EPB41L5: variants seen among roughly 807,000 people sequenced by gnomAD.
The protein encoded by EPB41L5 is band 4.1-like protein 5.
Under a neutral mutation model 106.6 loss-of-function variants are expected in EPB41L5, and 55 were observed. The ratio of observed to expected loss-of-function variants is 0.52; its 90% confidence interval spans 0.42 to 0.65. The LOEUF (loss-of-function observed/expected upper bound fraction) is 0.65, where lower values mean the gene tolerates loss of function less well. Ranked by LOEUF, EPB41L5 falls within the 30% of genes least tolerant of loss-of-function variation. The probability of loss-of-function intolerance (pLI) is 0.00; values close to 1 mark genes in which losing one functional copy is unlikely to be tolerated. For synonymous variants in EPB41L5, 297 were observed against 306.7 expected (o/e 0.97, Z 0.33); for missense variants, 871 against 882.1 (o/e 0.99, Z 0.16).
chr2:120,142,692 C>T (rs984812126), intron 18 of EPB41L5, among the ~76,000 whole-genome samples: 10 of 152,226 alleles, frequency 6.6e-5, no homozygotes, highest in Non-Finnish European at 1.0e-4. Context: ...AGCATGAAAG[C>T]GGCACAGAGG....
In EPB41L5 at chr2:120,155,088, A is replaced by G. The variant is rs190442912; in HGVS notation, c.1794-5793A>G. On this transcript the variant is annotated intron_variant, in intron 20 of 24. Transcript: ENST00000263713. ...GCTTACCTGTTTAATTACCTTTACC[A>G]GTAATTTTCTCTATTTTTCTTTATA... is the stretch of plus-strand genomic sequence containing the variant. 3.9e-5 allele frequency among the ~76,000 whole-genome samples: 6 copies of G among 152,344 alleles called. No individual in the cohort carries two copies. The East Asian group carries it at 1.2e-3, about 29-fold the overall frequency.
At chr2:120,111,527 C>T (rs377544628) in intron 16 of EPB41L5, among the ~76,000 whole-genome samples, 1 of 152,284 alleles carries the variant, frequency 6.6e-6, no homozygotes, top group African/African-American at 2.4e-5. Context: ...CTGACTTAGA[C>T]CAGAGCACCT....
At chr2:120,078,879 A>G (rs1682435821) in intron 10 of EPB41L5, among the ~76,000 whole-genome samples, 1 of 152,156 alleles carries the variant, frequency 6.6e-6, no homozygotes, top group Admixed American at 6.6e-5. Context: ...CCCTCCATGT[A>G]GTCATGTCAT....
At position 120,167,884 on chromosome 2, in the gene EPB41L5, G is replaced by T; in HGVS notation, c.2012G>T (p.Gly671Val). ...ITPRWIVPQSGAMSNGLAGCE... is the reference protein window; with the variant it reads ...ITPRWIVPQSVAMSNGLAGCE... ...TGTGTGTATCTCCCACAGCAGAGTGGTGCCATGTCTAATGGACTTGCGGGA... is the reference window on the plus strand; with the variant it reads ...TGTGTGTATCTCCCACAGCAGAGTGTTGCCATGTCTAATGGACTTGCGGGA... Residue 671 changes from glycine (G) to valine (V), a missense_variant, in exon 24 of 25, where the codon GGT becomes GTT. Gly to Val is a moderately radical substitution (Grantham distance 109). Transcript: ENST00000263713. 6.2e-7 allele frequency: 1 copy of T among 1,614,126 alleles called. No individual in the cohort carries two copies. The highest frequency in any genetic ancestry group is 8.5e-7 in the Non-Finnish European group (1 of 1,180,004).
Position 120,077,237 on chromosome 2 carries a change from C to T in EPB41L5, c.635C>T (p.Thr212Ile), listed in dbSNP as rs747086947. ...FEKWKEYRGQ[T>I]PAQAETNYLN... is the part of the protein sequence containing the mutation. ...ATTGTTTTAAATTTCAGAGGTCAAA[C>T]ACCAGCACAGGCTGAAACCAATTAT... Residue 212 changes from threonine to isoleucine, a missense_variant, in exon 9 of 25, where the codon ACA becomes ATA. Physicochemically the swap from Thr to Ile is moderately conservative, Grantham distance 89. Coordinates refer to ENST00000263713, the MANE Select transcript of EPB41L5 (RefSeq NM_020909.4). The T allele has an allele frequency of 4.3e-6, 7 of 1,609,728 alleles. No homozygotes were observed. In the Middle Eastern group the frequency reaches 5.0e-4, roughly 114 times the overall value.
chr2:120,102,025 A>G (rs981664209), intron 16 of EPB41L5, among the ~76,000 whole-genome samples: 1 of 152,202 alleles, frequency 6.6e-6, no homozygotes, highest in Non-Finnish European at 1.5e-5. Context: ...TATGGAAAAC[A>G]CAGCTCCTGT....
At chr2:120,090,126 G>A (rs1158160927) in intron 11 of EPB41L5, among the ~76,000 whole-genome samples, 1 of 151,686 alleles carries the variant, frequency 6.6e-6, no homozygotes, top group African/African-American at 2.4e-5. Flanking sequence ...ATGAGATCAT[G>A]TAAGTAGAGG....
chr2:120,066,472 TG>T (rs1681450397), intron 3 of EPB41L5, among the ~76,000 whole-genome samples: 1 of 152,236 alleles, frequency 6.6e-6, no homozygotes, highest in Non-Finnish European at 1.5e-5. Flanking sequence ...TTATTTTTCG[TG>T]GATATATAGT....
At chr2:120,061,500 G>T (rs1681073567) in intron 3 of EPB41L5, among the ~76,000 whole-genome samples, 1 of 151,982 alleles carries the variant, frequency 6.6e-6, no homozygotes, top group Non-Finnish European at 1.5e-5. Flanking sequence ...TGGGATTACA[G>T]GCGTGAGCCA....
chr2:120,096,796 TAAAAAG>T (rs1683787759), intron 14 of EPB41L5, among the ~76,000 whole-genome samples: 1 of 152,050 alleles, frequency 6.6e-6, no homozygotes, highest in South Asian at 2.1e-4. Flanking sequence ...TCTCAAATAA[TAAAAAG>T]AAAAAGAAAA....
chr2:120,031,590 A>G (rs1332587897), intron 2 of EPB41L5, among the ~76,000 whole-genome samples: 3 of 152,148 alleles, frequency 2.0e-5, no homozygotes, highest in Non-Finnish European at 4.4e-5. Flanking sequence ...AAAACATTTT[A>G]TTTTTAATTT....
rs142136989 is a variant in EPB41L5 at position 120,105,175 on chromosome 2, C to T, written c.1337+4361C>T. On this transcript the variant is annotated intron_variant, in intron 16 of 24. Transcript: ENST00000263713. ...TTTTTAAACTTTAGAATTTCAAGCT[C>T]CTTGGTTTAATTAATAGAAGTGAAT... is the stretch of plus-strand genomic sequence containing the variant. 9.2e-6 allele frequency: 9 copies of T among 979,432 alleles called. No homozygotes were observed. The East Asian group carries it at 9.1e-4, about 99-fold the overall frequency. 60.7% of individuals were successfully genotyped at this position (979,432 alleles called of 1,614,324 possible).
At chr2:120,032,365 T>TG (rs1485990154) in intron 2 of EPB41L5, among the ~76,000 whole-genome samples, 1 of 151,820 alleles carries the variant, frequency 6.6e-6, no homozygotes, top group African/African-American at 2.4e-5. Flanking sequence ...GCAACAAGAG[T>TG]GAAACTTCGT....
chr2:120,146,773 T>C (rs1171230937), intron 20 of EPB41L5, among the ~76,000 whole-genome samples: 1 of 152,254 alleles, frequency 6.6e-6, no homozygotes, highest in Non-Finnish European at 1.5e-5. Context: ...TATTCCATGC[T>C]TTATGGCCAT....
chr2:120,020,784 G>A (rs892319980), intron 2 of EPB41L5, among the ~76,000 whole-genome samples: 1 of 150,646 alleles, frequency 6.6e-6, no homozygotes, highest in Non-Finnish European at 1.5e-5. Context: ...GGTTGTTGAT[G>A]GACAAGCTGA....
At position 120,146,276 on chromosome 2, in the gene EPB41L5, G is replaced by C; in HGVS notation, c.1780G>C (p.Ala594Pro). 1 of 1,609,564 alleles carries C rather than the reference G, an allele frequency of 6.2e-7. No homozygotes were observed. Among genetic ancestry groups the C allele is most frequent in the Non-Finnish European group, 8.5e-7 (1 of 1,176,240 alleles). Residue 594 changes from alanine to proline, a missense_variant, in exon 20 of 25, where the codon GCT becomes CCT. Physicochemically the swap from Ala to Pro is conservative, Grantham distance 27 (BLOSUM62 -1). Transcript: ENST00000263713. ...TCATAAAAATGCCAATGTTCAGGAT[G>C]CTGCCACAAACAGGTACAGTTCTGG... is the stretch of plus-strand genomic sequence containing the variant. ...LSHKNANVQD[A>P]ATNSAVLNEN...
At chr2:120,083,995 T>C (rs1416550871) in intron 10 of EPB41L5, among the ~76,000 whole-genome samples, 2 of 152,188 alleles carry the variant, frequency 1.3e-5, no homozygotes, top group African/African-American at 2.4e-5. Flanking sequence ...TATGTGTGTC[T>C]CTGCACGTGA....
intron 2 of EPB41L5, among the ~76,000 whole-genome samples, chr2:120,038,112 T>C (rs1679157417): frequency 6.6e-6 from 1 of 152,154 alleles, no homozygotes; most frequent in African/African-American, 2.4e-5. Context: ...TGAGAAAATG[T>C]TTGCGAACCA....
Position 120,019,224 on chromosome 2 carries a change from T to C in EPB41L5, c.140T>C (p.Val47Ala). Residue 47 changes from valine to alanine, a missense_variant, in exon 2 of 25, where the codon GTG (valine) becomes GCG (alanine). Transcript: ENST00000263713. The part of the protein sequence containing the change: ...GDSKSIITCR[V>A]SLLDGTDVSV... ...TCTAAGTCCATCATCACGTGTCGGG[T>C]GTCCCTTCTGGATGGTACTGATGTT... 6.2e-7 allele frequency: 1 copy of C among 1,613,934 alleles called. No homozygotes were observed. Among genetic ancestry groups the C allele is most frequent in the Non-Finnish European group, 8.5e-7 (1 of 1,180,006 alleles).
Sources: allele counts gnomAD v4.1 joint callset (sites outside exome capture counted in the v4.1 genomes callset), GRCh38; gene constraint gnomAD v4.1.1; transcripts MANE v1.5; gene names NCBI Gene and HGNC (gene_info 2026-07-23, HGNC 2026-07-21).